Variants in FBXL13 observed in about 807,000 individuals in gnomAD.
The protein encoded by FBXL13 is F-box and leucine-rich repeat protein 13.
A neutral mutation model predicts 83.6 loss-of-function variants in FBXL13; 67 were observed. That is an observed-to-expected ratio of 0.80 (90% CI 0.66 to 0.98). The LOEUF (loss-of-function observed/expected upper bound fraction) is 0.98. Among genes scored for constraint, FBXL13 ranks in the 50% least tolerant of loss-of-function variants. FBXL13 has a pLI of 0.00. For synonymous variants in FBXL13, 272 were observed against 299.5 expected (o/e 0.91, Z 0.95); for missense variants, 822 against 866.5 (o/e 0.95, Z 0.64).
At chr7:102,947,607 C>A (rs1822735179) in intron 8 of FBXL13, among the ~76,000 whole-genome samples, 1 of 152,158 alleles carries the variant, frequency 6.6e-6, no homozygotes, top group Non-Finnish European at 1.5e-5. Context: ...TCCTCTTCCA[C>A]CAATTTCTTA....
rs1563206096 is a variant in FBXL13, at chr7:103,003,299, T to TG, written c.495+21763_495+21764insC. 4.9e-3 allele frequency among the ~76,000 whole-genome samples: 669 copies of TG among 135,398 alleles called. 4 individuals carry two copies. Among genetic ancestry groups the TG allele is most frequent in the African/African-American group, 0.017 (632 of 36,948 alleles). 88.8% of individuals were successfully genotyped at this position (135,398 alleles called of 152,430 possible). Reference sequence around the variant, plus strand: ...TGGGGTTTTTTTTTTTTTTTTTTTTTTTTTTTGAGACAGACTCTCACTCTC... The same window carrying TG: ...TGGGGTTTTTTTTTTTTTTTTTTTTTGTTTTTTGAGACAGACTCTCACTCTC... On this transcript the variant is annotated intron_variant, in intron 6 of 19. Coordinates refer to ENST00000313221, the Ensembl canonical transcript of FBXL13.
intron 1 of FBXL13, among the ~76,000 whole-genome samples, chr7:103,061,182 T>TG (rs1447807054): frequency 6.6e-6 from 1 of 151,944 alleles, no homozygotes; most frequent in African/African-American, 2.4e-5. Flanking sequence ...AGGGTTTTTT[T>TG]TTTTTGTTTT....
chr7:103,066,042 T>G (rs943013835), intron 1 of FBXL13, among the ~76,000 whole-genome samples: 29 of 152,206 alleles, frequency 1.9e-4, no homozygotes, highest in African/African-American at 6.8e-4. Flanking sequence ...TGACAAGGCT[T>G]AACAACATGC....
chr7:103,013,705 T>C (rs1489553604), intron 6 of FBXL13, among the ~76,000 whole-genome samples: 1 of 152,008 alleles, frequency 6.6e-6, no homozygotes, highest in Non-Finnish European at 1.5e-5. Context: ...ATTAACAACC[T>C]AATATCACAA....
chr7:102,978,631 T>A, intron 6 of FBXL13: 1 of 206,644 alleles, frequency 4.8e-6, no homozygotes, highest in Non-Finnish European at 1.0e-5. Flanking sequence ...TCAGCCTGCC[T>A]GCACCCAGGT....
intron 18 of FBXL13, among the ~76,000 whole-genome samples, chr7:102,826,039 A>T (rs1467180279): frequency 6.6e-6 from 1 of 152,152 alleles, no homozygotes; most frequent in Non-Finnish European, 1.5e-5. Flanking sequence ...TTTGCCATTA[A>T]TATATGTGAT....
intron 10 of FBXL13, among the ~76,000 whole-genome samples, chr7:102,923,692 C>T (rs992708502): frequency 4.2e-4 from 64 of 151,790 alleles, no homozygotes; most frequent in African/African-American, 4.1e-4. Context: ...GGCGTGGTGG[C>T]GGGCGCCTGT....
chr7:103,048,361 T>C (rs376532902), intron 2 of FBXL13, among the ~76,000 whole-genome samples: 2 of 151,216 alleles, frequency 1.3e-5, no homozygotes, highest in African/African-American at 2.4e-5. Flanking sequence ...GAGGGAAGAC[T>C]CAGCTTTCCA....
intron 6 of FBXL13, among the ~76,000 whole-genome samples, chr7:102,981,757 C>A (rs986675686): frequency 1.2e-4 from 19 of 152,140 alleles, no homozygotes; most frequent in Admixed American, 3.9e-4. Context: ...GCACTAATCC[C>A]ATTCATGAGG....
intron 6 of FBXL13, among the ~76,000 whole-genome samples, chr7:103,017,408 A>T (rs1430462767): frequency 6.6e-6 from 1 of 152,210 alleles, no homozygotes; most frequent in Non-Finnish European, 1.5e-5. Flanking sequence ...AATTCTAAAA[A>T]TCAGAGCACC....
At position 103,040,538 on chromosome 7, in the gene FBXL13, G is replaced by T. The variant is rs561456112; in HGVS notation, c.1-11120C>A. On this transcript the variant is annotated intron_variant, in intron 2 of 19. Coordinates refer to ENST00000313221, the Ensembl canonical transcript of FBXL13. Reference sequence around the variant, plus strand: ...GAATATACACTCTTCTGAGCATCACGTCGCACTTATTCTAAAATTGACCAC... The same window carrying T: ...GAATATACACTCTTCTGAGCATCACTTCGCACTTATTCTAAAATTGACCAC... 2.4e-4 allele frequency among the ~76,000 whole-genome samples: 37 copies of T among 152,084 alleles called. No homozygotes were observed. The East Asian group carries it at 6.8e-3, about 28-fold the overall frequency.
At chr7:102,924,525 A>G (rs1041376220) in intron 10 of FBXL13, among the ~76,000 whole-genome samples, 10 of 152,122 alleles carry the variant, frequency 6.6e-5, no homozygotes, top group African/African-American at 2.4e-4. Context: ...TGACAGCTTA[A>G]TTAGTGGGAT....
intron 8 of FBXL13, among the ~76,000 whole-genome samples, chr7:102,945,481 G>A (rs1262693696): frequency 6.6e-6 from 1 of 152,114 alleles, no homozygotes; most frequent in Non-Finnish European, 1.5e-5. Flanking sequence ...TTGGGATGAA[G>A]CCAGAATAAA....
intron 11 of FBXL13, among the ~76,000 whole-genome samples, chr7:102,888,020 C>G (rs115768090): frequency 4.6e-5 from 7 of 152,300 alleles, no homozygotes; most frequent in African/African-American, 1.4e-4. Flanking sequence ...CATCTCCTAC[C>G]ATAGACCTCT....
At chr7:102,996,793 A>G (rs1367668952) in intron 6 of FBXL13, among the ~76,000 whole-genome samples, 1 of 152,216 alleles carries the variant, frequency 6.6e-6, no homozygotes, top group Non-Finnish European at 1.5e-5. Context: ...TATTGCAATC[A>G]TAAGACAAGC....
chr7:102,869,360 A>G lies in FBXL13; in HGVS notation c.1635+8107T>C, dbSNP rs116384952. ...CTATTGAGTTGTTTGAGTTCCTTGT[A>G]TACTCTGGATATTGAACCCTTGTCA... On this transcript the variant is annotated intron_variant, in intron 16 of 19. Coordinates refer to ENST00000313221, the Ensembl canonical transcript of FBXL13. 3.8e-3 allele frequency among the ~76,000 whole-genome samples: 579 copies of G among 152,240 alleles called. 5 individuals carry two copies. Among genetic ancestry groups the G allele is most frequent in the African/African-American group, 0.014 (572 of 41,554 alleles).
chr7:102,885,174 A>G (rs1810631470), intron 11 of FBXL13, among the ~76,000 whole-genome samples: 1 of 152,134 alleles, frequency 6.6e-6, no homozygotes, highest in Admixed American at 6.6e-5. Flanking sequence ...ATCATATGGC[A>G]ATTCTATGCT....
In FBXL13 at chr7:102,871,391, A is replaced by T. The variant is rs554856446; in HGVS notation, c.1635+6076T>A. 2.6e-4 allele frequency among the ~76,000 whole-genome samples: 38 copies of T among 147,794 alleles called. 1 individual carries two copies. The South Asian group carries it at 7.7e-3, about 30-fold the overall frequency. ...GCCAGATTTTAAAAAAAAAATTTTAATTTTTTTTTTTTAAGACAGGGTCTC... is the reference window on the plus strand; with the variant it reads ...GCCAGATTTTAAAAAAAAAATTTTATTTTTTTTTTTTTAAGACAGGGTCTC... On this transcript the variant is annotated intron_variant, in intron 16 of 19. Coordinates refer to ENST00000313221, the Ensembl canonical transcript of FBXL13.
At chr7:103,000,451 T>C (rs558590264) in intron 6 of FBXL13, among the ~76,000 whole-genome samples, 2 of 152,394 alleles carry the variant, frequency 1.3e-5, no homozygotes, top group East Asian at 3.9e-4. Context: ...TCAGAAAAGA[T>C]ACTTGATTTA....
Sources: allele counts gnomAD v4.1 joint callset (sites outside exome capture counted in the v4.1 genomes callset), GRCh38; gene constraint gnomAD v4.1.1; transcripts MANE v1.5; gene names NCBI Gene and HGNC (gene_info 2026-07-23, HGNC 2026-07-21).